UPP2: variants seen among roughly 807,000 people sequenced by gnomAD.
UPP2 encodes uridine phosphorylase 2.
A neutral mutation model predicts 26.7 loss-of-function variants in UPP2; 23 were observed. The observed-to-expected ratio is 0.86, with a 90% CI of 0.62 to 1.22. The LOEUF (loss-of-function observed/expected upper bound fraction) is 1.22. Among genes scored for constraint, UPP2 ranks in the 50% most tolerant of loss-of-function variants. The pLI, the probability that UPP2 is intolerant of heterozygous loss-of-function variation, is 0.00. For missense variants in UPP2, 387 were observed against 396.7 expected (o/e 0.98, Z 0.21); for synonymous variants, 127 against 141.3 (o/e 0.90, Z 0.72).
chr2:158,018,487 CCTT>C (rs1298932525), intron 3 of UPP2, among the ~76,000 whole-genome samples: 1 of 152,192 alleles, frequency 6.6e-6, no homozygotes, highest in Non-Finnish European at 1.5e-5. Context: ...CAGCTCCCAT[CCTT>C]CTTCTAAGGG....
In UPP2 at chr2:158,101,967, A is replaced by G; in HGVS notation, c.-97A>G. 1 of 1,517,048 alleles carries G rather than the reference A, an allele frequency of 6.6e-7. No individual in the cohort carries two copies. Among genetic ancestry groups the G allele is most frequent in the Non-Finnish European group, 8.8e-7 (1 of 1,134,656 alleles). The allele number at this position is 1,517,048 out of a possible 1,614,324, so 94.0% of individuals were successfully genotyped here. A position where few individuals can be genotyped will look rare whatever the true frequency, so the allele number is the denominator to read the frequency against. ...AGAGAGGTTATCATTCTGACTGGGA[A>G]CTGAACTATTATGACTAGGTCTATA... On this transcript the variant is annotated 5_prime_UTR_variant, in exon 1 of 7. Coordinates refer to ENST00000005756, the MANE Select transcript of UPP2 (RefSeq NM_173355.4).
chr2:158,081,236 A>G (rs1413263528), intron 3 of UPP2, among the ~76,000 whole-genome samples: 1 of 152,206 alleles, frequency 6.6e-6, no homozygotes, highest in East Asian at 1.9e-4. Context: ...AAGATAGAGG[A>G]TATTTCTAAT....
At position 157,995,605 on chromosome 2, in the gene UPP2, G is replaced by A. The variant is rs1252015907; in HGVS notation, c.61+346G>A. ...CTTTAAGGTAGTTGACCACTCTAACGATCCCTTTAATACATAATTTTTAAA... is the reference window on the plus strand; with the variant it reads ...CTTTAAGGTAGTTGACCACTCTAACAATCCCTTTAATACATAATTTTTAAA... On this transcript the variant is annotated intron_variant, in intron 2 of 9. Coordinates refer to the UPP2 transcript ENST00000605860. Among the ~76,000 whole-genome samples the A allele has an allele frequency of 8.6e-5, 13 of 151,358 alleles. No homozygotes were observed. The East Asian group carries it at 9.7e-4, about 11-fold the overall frequency.
At position 158,092,435 on chromosome 2, in the gene UPP2, T is replaced by C. The variant is rs141003272; in HGVS notation, c.148-9605T>C. Among the ~76,000 whole-genome samples the C allele has an allele frequency of 4.2e-3, 641 of 152,198 alleles. 17 individuals carry two copies. Among genetic ancestry groups the C allele is most frequent in the East Asian group, 6.0e-3 (31 of 5,180 alleles). ...ACAATGGGTACCAGAAGATAATGAATAAACATCCCATGAGTGCTGAGGGAA... is the reference window on the plus strand; with the variant it reads ...ACAATGGGTACCAGAAGATAATGAACAAACATCCCATGAGTGCTGAGGGAA... On this transcript the variant is annotated intron_variant, in intron 3 of 9. Transcript: ENST00000605860.
intron 1 of UPP2, among the ~76,000 whole-genome samples, chr2:158,104,994 A>G (rs13001639): frequency 0.011 from 178 of 16,458 alleles, 7 homozygotes; most frequent in African/African-American, 0.061. Context: ...AGGGAAGGGA[A>G]GGGAGGGGAG....
chr2:158,054,194 G>T (rs936597304), intron 3 of UPP2, among the ~76,000 whole-genome samples: 1 of 152,084 alleles, frequency 6.6e-6, no homozygotes, highest in Non-Finnish European at 1.5e-5. Context: ...CCTGGGGGAG[G>T]TTGCAATGAG....
At chr2:158,016,302 A>G (rs567828293) in intron 3 of UPP2, among the ~76,000 whole-genome samples, 2 of 152,140 alleles carry the variant, frequency 1.3e-5, no homozygotes, top group South Asian at 2.1e-4. Flanking sequence ...ATAGAGGTTT[A>G]TGGATGACTT....
intron 2 of UPP2, among the ~76,000 whole-genome samples, chr2:158,011,151 C>T (rs914365425): frequency 2.2e-4 from 33 of 152,156 alleles, no homozygotes; most frequent in African/African-American, 4.6e-4. Context: ...TCATACAGAG[C>T]GCTGCAATTC....
At chr2:158,104,471 T>C (rs1683138160) in intron 1 of UPP2, among the ~76,000 whole-genome samples, 1 of 152,106 alleles carries the variant, frequency 6.6e-6, no homozygotes, top group Non-Finnish European at 1.5e-5. Flanking sequence ...AAATACAGAG[T>C]GTCTAAATTA....
intron 2 of UPP2, among the ~76,000 whole-genome samples, chr2:158,114,174 C>T (rs961799226): frequency 1.3e-5 from 2 of 152,134 alleles, no homozygotes; most frequent in Non-Finnish European, 2.9e-5. Flanking sequence ...ATGTTGTCTT[C>T]TCTCTCTCTG....
intron 6 of UPP2, among the ~76,000 whole-genome samples, chr2:158,129,893 G>A (rs888307033): frequency 2.0e-5 from 3 of 152,084 alleles, no homozygotes; most frequent in Admixed American, 6.5e-5. Context: ...AGCCTCCAGA[G>A]TAGCTGGGAC....
chr2:158,114,693 TG>T (rs1683387357), intron 2 of UPP2, among the ~76,000 whole-genome samples: 1 of 152,200 alleles, frequency 6.6e-6, no homozygotes, highest in African/African-American at 2.4e-5. Flanking sequence ...TACCTAAAAC[TG>T]GTGGTTCTCC....
At chr2:158,134,109 C>T (rs553391826) in intron 6 of UPP2, 6 of 152,258 alleles carry the variant, frequency 3.9e-5, no homozygotes, top group Non-Finnish European at 5.9e-5. Flanking sequence ...ATTTCATTCT[C>T]ATTCTTTAGA....
At chr2:158,045,836 G>A (rs1357333454) in intron 3 of UPP2, among the ~76,000 whole-genome samples, 1 of 152,112 alleles carries the variant, frequency 6.6e-6, no homozygotes, top group Non-Finnish European at 1.5e-5. Flanking sequence ...CCCAAGCTAC[G>A]AGAGGCTAGA....
At position 158,129,106 on chromosome 2, in the gene UPP2, C is replaced by T. The variant is rs143539225; in HGVS notation, c.811+5211C>T. 9.0e-3 allele frequency among the ~76,000 whole-genome samples: 1,375 copies of T among 152,090 alleles called. 37 individuals are homozygous for T. Among genetic ancestry groups the T allele is most frequent in the African/African-American group, 0.032 (1,315 of 41,398 alleles). On this transcript the variant is annotated intron_variant, in intron 6 of 6. Transcript: ENST00000005756. ...CCACCCTCCTAGCCTCTATTCTACT[C>T]TTCCCTTCCCACTGCCAACAACTCA...
chr2:158,039,343 T>A (rs1684052728), intron 3 of UPP2, among the ~76,000 whole-genome samples: 1 of 152,252 alleles, frequency 6.6e-6, no homozygotes, highest in Non-Finnish European at 1.5e-5. Context: ...CACCTCAGAA[T>A]GACTTTTCTG....
chr2:158,067,931 G>T (rs201727064), intron 3 of UPP2, among the ~76,000 whole-genome samples: 7 of 138,182 alleles, frequency 5.1e-5, no homozygotes, highest in African/African-American at 1.9e-4. Context: ...TATGTCACAT[G>T]TTATATTACA....
At chr2:158,002,045 G>A (rs1279369591) in intron 2 of UPP2, among the ~76,000 whole-genome samples, 1 of 151,762 alleles carries the variant, frequency 6.6e-6, no homozygotes, top group African/African-American at 2.4e-5. Flanking sequence ...GGCTACGGGG[G>A]CGGGGGCTTC....
At chr2:158,019,919 C>G (rs756333207) in intron 3 of UPP2, among the ~76,000 whole-genome samples, 1 of 151,970 alleles carries the variant, frequency 6.6e-6, no homozygotes, top group Non-Finnish European at 1.5e-5. Flanking sequence ...AAGAAAAAGT[C>G]GATTTTATTG....
Sources: allele counts gnomAD v4.1 joint callset (sites outside exome capture counted in the v4.1 genomes callset), GRCh38; gene constraint gnomAD v4.1.1; transcripts MANE v1.5; gene names NCBI Gene and HGNC (gene_info 2026-07-23, HGNC 2026-07-21).